The following SLIT3 variants were observed in gnomAD, a reference collection of about 807,000 sequenced individuals.
The protein encoded by SLIT3 is slit homolog 3 protein.
A neutral mutation model predicts 184.0 loss-of-function variants in SLIT3; 68 were observed. That is an observed-to-expected ratio of 0.37 (90% CI 0.30 to 0.45). The LOEUF is 0.45. SLIT3 is among the 20% of genes least tolerant of loss of function. The pLI is 1.00. For synonymous variants in SLIT3, 831 were observed against 828.6 expected (o/e 1.00, Z -0.05); for missense variants, 1,707 against 2,026.0 (o/e 0.84, Z 3.02).
At chr5:169,261,523 T>A (rs1239864370) in intron 1 of SLIT3, among the ~76,000 whole-genome samples, 1 of 151,908 alleles carries the variant, frequency 6.6e-6, no homozygotes, top group East Asian at 1.9e-4. Context: ...CTTCCTTCCC[T>A]CCCCATCTCC....
chr5:169,133,949 A>G (rs866630502), intron 4 of SLIT3, among the ~76,000 whole-genome samples: 1 of 152,220 alleles, frequency 6.6e-6, no homozygotes, highest in South Asian at 2.1e-4. Flanking sequence ...GTACTAGAGC[A>G]CAAGCTGTTA....
At chr5:168,683,940 G>A (rs761197970) in intron 32 of SLIT3, 26 bp downstream of exon 32, 5 of 1,466,150 alleles carry the variant, frequency 3.4e-6, no homozygotes, top group Non-Finnish European at 4.6e-6. Flanking sequence ...AACACACAGT[G>A]GGTCAGGAGG....
At chr5:169,055,418 T>A (rs1244510688) in intron 4 of SLIT3, among the ~76,000 whole-genome samples, 1 of 152,108 alleles carries the variant, frequency 6.6e-6, no homozygotes, top group East Asian at 1.9e-4. Context: ...TGTGCAAAGT[T>A]GAAAGCGGGA....
chr5:168,793,808 G>C (rs913310205), intron 10 of SLIT3, among the ~76,000 whole-genome samples: 3 of 151,906 alleles, frequency 2.0e-5, no homozygotes, highest in African/African-American at 7.3e-5. Context: ...ATTGGGGGGG[G>C]GGATGCATGG....
At chr5:169,091,685 G>A (rs997333530) in intron 4 of SLIT3, among the ~76,000 whole-genome samples, 1 of 152,156 alleles carries the variant, frequency 6.6e-6, no homozygotes, top group Non-Finnish European at 1.5e-5. Flanking sequence ...AGGCTTGATG[G>A]GGCTCGTGGT....
At chr5:168,856,717 A>G (rs1758881195) in intron 5 of SLIT3, among the ~76,000 whole-genome samples, 1 of 151,604 alleles carries the variant, frequency 6.6e-6, no homozygotes, top group Non-Finnish European at 1.5e-5. Flanking sequence ...GCCAGCGCAG[A>G]TATCTCAGTA....
At position 168,817,408 on chromosome 5, in the gene SLIT3, A is replaced by G; in HGVS notation, c.685T>C (p.Trp229Arg). 2.5e-6 allele frequency: 4 copies of G among 1,614,206 alleles called. No individual in the cohort carries two copies. Among genetic ancestry groups the G allele is most frequent in the Non-Finnish European group, 3.4e-6 (4 of 1,180,036 alleles). The change falls in exon 8 of 36, where the codon TGG becomes CGG. Residue 229 changes from tryptophan to arginine, a missense_variant. Physicochemically the swap from Trp to Arg is moderately radical, Grantham distance 101 (BLOSUM62 -3). Transcript: ENST00000519560. ...CDCHLAWLSD[W>R]LRQRRTVGQF... ...CCAACTGTCCGTCGCTGTCGCAGCC[A>G]ATCCGAGAGCCAGGCCAGGTGGCAG...
At chr5:168,835,775 C>T (rs1189443509) in intron 6 of SLIT3, among the ~76,000 whole-genome samples, 2 of 150,424 alleles carry the variant, frequency 1.3e-5, no homozygotes, top group Non-Finnish European at 2.9e-5. Flanking sequence ...TCCACCACTG[C>T]ACTCCAGCCT....
At chr5:168,755,811 C>A (rs1165824625) in intron 16 of SLIT3, among the ~76,000 whole-genome samples, 1 of 152,142 alleles carries the variant, frequency 6.6e-6, no homozygotes, top group Admixed American at 6.5e-5. Context: ...TGACATCCTG[C>A]ACAGACCTCA....
intron 4 of SLIT3, among the ~76,000 whole-genome samples, chr5:169,040,739 A>G (rs1757420265): frequency 6.6e-6 from 1 of 152,220 alleles, no homozygotes; most frequent in Non-Finnish European, 1.5e-5. Flanking sequence ...AGGACTCTCC[A>G]ATCTTCTCAC....
At chr5:169,174,889 T>C (rs994807478) in intron 4 of SLIT3, among the ~76,000 whole-genome samples, 22 of 152,222 alleles carry the variant, frequency 1.4e-4, no homozygotes, top group Middle Eastern at 3.4e-3. Flanking sequence ...AAAAAAAAAA[T>C]CTTCCTCTAA....
intron 4 of SLIT3, among the ~76,000 whole-genome samples, chr5:168,994,381 T>C (rs138497322): frequency 6.6e-6 from 1 of 152,140 alleles, no homozygotes; most frequent in African/African-American, 2.4e-5. Context: ...TACATTTATT[T>C]TCCACACTTT....
rs1030056152 is a variant in SLIT3, at chr5:168,866,817, A to G, written c.485+16448T>C. On this transcript the variant is annotated intron_variant, in intron 5 of 35. Coordinates refer to ENST00000519560, the MANE Select transcript of SLIT3 (RefSeq NM_003062.4). ...TGTTACAGCAATTAAATGATATAAG[A>G]ATAATAATTAACATTTGAAGTGCTT... 5.9e-5 allele frequency among the ~76,000 whole-genome samples: 9 copies of G among 152,340 alleles called. No individual in the cohort carries two copies. In the East Asian group the frequency reaches 7.7e-4, roughly 13 times the overall value.
rs1014718827 is a variant in SLIT3, at chr5:168,669,983, T to C, written c.4136A>G (p.His1379Arg). The C allele has an allele frequency of 6.2e-7, 1 of 1,613,890 alleles. No homozygotes were observed. Among genetic ancestry groups the C allele is most frequent in the South Asian group, 1.1e-5 (1 of 91,058 alleles). The change falls in exon 35 of 36, where the codon CAT (histidine) becomes CGT (arginine). Residue 1379 changes from histidine to arginine, a missense_variant. Physicochemically the swap from His to Arg is conservative, Grantham distance 29. Coordinates refer to ENST00000519560, the MANE Select transcript of SLIT3 (RefSeq NM_003062.4). ...GGTCCCAGTTGCCACACATTTTCCA[T>C]GGTGGCATCTAGGGGCAGAGAGGAG... ...RDPCLGHRCH[H>R]GKCVATGTSY...
chr5:168,792,716 G>A (rs1306101981), intron 10 of SLIT3, among the ~76,000 whole-genome samples: 1 of 152,182 alleles, frequency 6.6e-6, no homozygotes, highest in African/African-American at 2.4e-5. Flanking sequence ...AGGCCTACCA[G>A]TCAGTTAACC....
chr5:168,661,922 T>C lies in SLIT3; in HGVS notation c.*4532A>G, dbSNP rs1408296169. On this transcript the variant is annotated 3_prime_UTR_variant, in exon 36 of 36. Coordinates refer to ENST00000519560, the MANE Select transcript of SLIT3 (RefSeq NM_003062.4). ...AAAATTTCCTATTAGAACCTATCAT[T>C]GAATTAGAAAAGCAAGCTTTGCCAA... is the stretch of plus-strand genomic sequence containing the variant. 6.6e-6 allele frequency: 1 copy of C among 152,244 alleles called. No homozygotes were observed. The highest frequency in any genetic ancestry group is 1.5e-5 in the Non-Finnish European group (1 of 68,038). The allele number at this position is 152,244 out of a possible 1,614,324, so 9.4% of individuals were successfully genotyped here. A position where few individuals can be genotyped will look rare whatever the true frequency, so the allele number is the denominator to read the frequency against.
intron 20 of SLIT3, among the ~76,000 whole-genome samples, chr5:168,733,038 A>T (rs573110020): frequency 6.6e-6 from 1 of 152,308 alleles, no homozygotes; most frequent in Middle Eastern, 3.4e-3. Flanking sequence ...AGGATGGGAA[A>T]AATACTTTTA....
intron 23 of SLIT3, among the ~76,000 whole-genome samples, chr5:168,714,852 ACTC>A (rs1006322240): frequency 6.6e-6 from 1 of 151,708 alleles, no homozygotes; most frequent in African/African-American, 2.4e-5. Flanking sequence ...AGCACTTGGA[ACTC>A]CTCCTCTTTG....
intron 28 of SLIT3, among the ~76,000 whole-genome samples, chr5:168,694,640 A>T (rs1762001269): frequency 2.0e-5 from 3 of 151,606 alleles, no homozygotes; most frequent in Admixed American, 1.3e-4. Flanking sequence ...TTTTTTTGAG[A>T]CAGAGTTTTG....
Sources: allele counts gnomAD v4.1 joint callset (sites outside exome capture counted in the v4.1 genomes callset), GRCh38; gene constraint gnomAD v4.1.1; transcripts MANE v1.5; gene names NCBI Gene and HGNC (gene_info 2026-07-23, HGNC 2026-07-21).